The following AFF2 variants were observed in gnomAD, a reference collection of about 807,000 sequenced individuals.
The protein encoded by AFF2 is AF4/FMR2 family member 2.
A neutral mutation model predicts 76.9 loss-of-function variants in AFF2; 14 were observed. The observed-to-expected ratio is 0.18, with a 90% confidence interval of 0.12 to 0.28. The LOEUF (loss-of-function observed/expected upper bound fraction) is 0.28, where lower values mean the gene tolerates loss of function less well. AFF2 is among the 10% of genes least tolerant of loss of function. AFF2 has a pLI of 1.00. For missense variants in AFF2, 868 were observed against 1,001.1 expected (o/e 0.87, Z 1.79); for synonymous variants, 398 against 366.7 (o/e 1.09, Z -0.98).
intron 9 of AFF2, among the ~76,000 whole-genome samples, chrX:148,947,677 G>A (rs1035401672): frequency 9.0e-6 from 1 of 111,718 alleles, no homozygotes; most frequent in African/African-American, 3.3e-5. Flanking sequence ...GGCCTAATGT[G>A]ATGAGGCAGG....
At chrX:148,713,925 G>T (rs1239465533) in intron 3 of AFF2, among the ~76,000 whole-genome samples, 1 of 111,798 alleles carries the variant, frequency 8.9e-6, no homozygotes, top group Non-Finnish European at 1.9e-5. Flanking sequence ...GGTTCTTTCA[G>T]GGTATGAAAA....
intron 4 of AFF2, among the ~76,000 whole-genome samples, chrX:148,829,801 C>T (rs958607754): frequency 8.9e-6 from 1 of 111,916 alleles, no homozygotes; most frequent in Non-Finnish European, 1.9e-5. Flanking sequence ...CCTTCTAAGA[C>T]AGTAGGCTCC....
At chrX:148,516,743 G>T (rs180787758) in intron 1 of AFF2, among the ~76,000 whole-genome samples, 2 of 111,653 alleles carry the variant, frequency 1.8e-5, no homozygotes, top group South Asian at 7.6e-4. Context: ...TTGAACCCTG[G>T]CACTGTAACA....
chrX:148,716,677 G>A (rs1206421700), intron 3 of AFF2, among the ~76,000 whole-genome samples: 1 of 111,373 alleles, frequency 9.0e-6, no homozygotes, highest in African/African-American at 3.3e-5. Flanking sequence ...TAAATGCAGG[G>A]AGCCCCTCTC....
chrX:148,636,607 A>G (rs1557253864), intron 1 of AFF2, among the ~76,000 whole-genome samples: 1 of 112,128 alleles, frequency 8.9e-6, no homozygotes, highest in Non-Finnish European at 1.9e-5. Flanking sequence ...ATCTGGCTTG[A>G]ACAGTATGTG....
intron 9 of AFF2, among the ~76,000 whole-genome samples, chrX:148,906,206 T>C (rs974713104): frequency 1.8e-5 from 2 of 111,484 alleles, no homozygotes; most frequent in Non-Finnish European, 3.8e-5. Context: ...GAGAACAGAG[T>C]CAAAGTTTTT....
At chrX:148,766,754 C>A (rs976711276) in intron 3 of AFF2, among the ~76,000 whole-genome samples, 15 of 111,340 alleles carry the variant, frequency 1.3e-4, no homozygotes, top group African/African-American at 4.6e-4. Context: ...GGATTCTGAT[C>A]CATCAAGGAT....
rs1183676447 is a variant in AFF2, at chrX:148,655,932, C to T, written c.180+3801C>T. On this transcript the variant is annotated intron_variant, in intron 2 of 20. Coordinates refer to ENST00000370460, the MANE Select transcript of AFF2 (RefSeq NM_002025.4). ...CTTATCAAATTTAGAATAAACATTCCTGATGGTGGGTCAAGACTTTCAGGA... is the reference window on the plus strand; with the variant it reads ...CTTATCAAATTTAGAATAAACATTCTTGATGGTGGGTCAAGACTTTCAGGA... 1.1e-4 allele frequency among the ~76,000 whole-genome samples: 12 copies of T among 111,771 alleles called. No individual in the cohort carries two copies. The Admixed American group carries it at 1.1e-3, about 11-fold the overall frequency.
chrX:148,919,791 A>T (rs918362856), intron 9 of AFF2, among the ~76,000 whole-genome samples: 2 of 111,629 alleles, frequency 1.8e-5, no homozygotes, highest in East Asian at 5.6e-4. Flanking sequence ...AAACAATGTG[A>T]TCCATAATAT....
At chrX:148,632,758 C>A (rs1344121573) in intron 1 of AFF2, among the ~76,000 whole-genome samples, 1 of 111,675 alleles carries the variant, frequency 9.0e-6, no homozygotes, top group Non-Finnish European at 1.9e-5. Flanking sequence ...ATCATAGAAT[C>A]CCAGAATGTA....
chrX:148,505,738 A>G (rs1557232412), intron 1 of AFF2, among the ~76,000 whole-genome samples: 1 of 112,108 alleles, frequency 8.9e-6, no homozygotes, highest in African/African-American at 3.2e-5. Flanking sequence ...CATACCTCAA[A>G]GCGGAAAACT....
chrX:148,720,245 T>C (rs782677591), intron 3 of AFF2, among the ~76,000 whole-genome samples: 1 of 110,671 alleles, frequency 9.0e-6, no homozygotes, highest in African/African-American at 3.3e-5. Flanking sequence ...GGACCACTTA[T>C]AGAAATGTAG....
intron 3 of AFF2, among the ~76,000 whole-genome samples, chrX:148,684,264 C>T (rs2054579089): frequency 9.0e-6 from 1 of 111,633 alleles, no homozygotes; most frequent in South Asian, 3.7e-4. Flanking sequence ...ATATTATTGG[C>T]CCTTACTAAT....
intron 1 of AFF2, among the ~76,000 whole-genome samples, chrX:148,536,001 C>T (rs2052780777): frequency 9.0e-6 from 1 of 111,214 alleles, no homozygotes; most frequent in Non-Finnish European, 1.9e-5. Flanking sequence ...GCAGGCGGAT[C>T]ACCAGGTCAA....
chrX:148,785,275 G>A (rs1557269426), intron 3 of AFF2, among the ~76,000 whole-genome samples: 1 of 111,876 alleles, frequency 8.9e-6, no homozygotes, highest in Non-Finnish European at 1.9e-5. Flanking sequence ...TATGGTTTCA[G>A]GAATCAAGTT....
chrX:148,697,583 C>A lies in AFF2; in HGVS notation c.1041+34815C>A, dbSNP rs1323917804. On this transcript the variant is annotated intron_variant, in intron 3 of 20. Transcript: ENST00000370460. ...CCATTTTTCCTTATATACAATGTTC[C>A]TTCTGTCGCCACTTTTTTCAATCTT... 2.7e-5 allele frequency among the ~76,000 whole-genome samples: 3 copies of A among 110,982 alleles called. No homozygotes were observed. In the East Asian group the frequency reaches 8.4e-4, roughly 31 times the overall value.
intron 3 of AFF2, among the ~76,000 whole-genome samples, chrX:148,752,348 C>G (rs2055512018): frequency 9.0e-6 from 1 of 111,663 alleles, no homozygotes; most frequent in African/African-American, 3.3e-5. Context: ...CCAGTACTTA[C>G]CAGGATGTCC....
chrX:148,795,613 TA>T (rs1422312779), intron 3 of AFF2, among the ~76,000 whole-genome samples: 2 of 102,648 alleles, frequency 1.9e-5, no homozygotes, highest in African/African-American at 7.1e-5. Context: ...CCATGCTGGC[TA>T]ACACGGTGAA....
intron 1 of AFF2, among the ~76,000 whole-genome samples, chrX:148,529,487 T>G (rs2052704227): frequency 8.9e-6 from 1 of 112,519 alleles, no homozygotes; most frequent in African/African-American, 3.2e-5. Flanking sequence ...GTGTTGACAT[T>G]TCTGTTGTCA....
Sources: gnomAD v4.1 joint callset for allele counts (sites outside exome capture counted in the v4.1 genomes callset) on GRCh38, gnomAD v4.1.1 for gene constraint, MANE v1.5 for transcripts, NCBI Gene and HGNC (gene_info 2026-07-23, HGNC 2026-07-21) for gene names.